Variants in DARS1 observed in about 807,000 individuals in gnomAD.
The protein encoded by DARS1 is aspartate--tRNA ligase, cytoplasmic.
Under a neutral mutation model 68.8 loss-of-function variants are expected in DARS1, and 51 were observed. The ratio of observed to expected loss-of-function variants is 0.74; its 90% CI spans 0.59 to 0.94. The LOEUF is 0.94. DARS1 is among the 40% of genes least tolerant of loss of function. The pLI, the probability that DARS1 is intolerant of heterozygous loss-of-function variation, is 0.00. For missense variants in DARS1, 607 were observed against 597.3 expected (o/e 1.02, Z -0.17); for synonymous variants, 203 against 190.4 (o/e 1.07, Z -0.55).
intron 2 of DARS1, among the ~76,000 whole-genome samples, chr2:135,982,996 A>G (rs1682671339): frequency 6.6e-6 from 1 of 152,220 alleles, no homozygotes; most frequent in African/African-American, 2.4e-5. Flanking sequence ...CAGTCAGAGA[A>G]GTAAAGTTGT....
intron 4 of DARS1, among the ~76,000 whole-genome samples, chr2:135,948,622 T>G (rs1272375421): frequency 1.3e-5 from 2 of 152,150 alleles, no homozygotes; most frequent in African/African-American, 4.8e-5. Flanking sequence ...CTCAGCACTT[T>G]GGGAGGCCAG....
In DARS1 at chr2:135,966,564, A is replaced by T. The variant is rs573945791; in HGVS notation, c.218-5066T>A. Among the ~76,000 whole-genome samples, 7 of 152,330 alleles carry T rather than the reference A, an allele frequency of 4.6e-5. No individual in the cohort carries two copies. In the East Asian group the frequency reaches 1.3e-3, roughly 29 times the overall value. ...GTTTTGTTTTGTTTTGTTGAGACAG[A>T]GTCTTGCTCTGTTGTCCAGGCTGGA... On this transcript the variant is annotated intron_variant, in intron 3 of 15. Transcript: ENST00000264161.
chr2:135,979,800 C>T (rs1682581550), intron 2 of DARS1, among the ~76,000 whole-genome samples: 1 of 152,150 alleles, frequency 6.6e-6, no homozygotes, highest in African/African-American at 2.4e-5. Flanking sequence ...TGCCTGCCTG[C>T]CACAGTACCT....
chr2:135,982,664 G>A (rs1264565314), intron 2 of DARS1, among the ~76,000 whole-genome samples: 1 of 151,456 alleles, frequency 6.6e-6, no homozygotes, highest in East Asian at 1.9e-4. Context: ...TATAAGAAAA[G>A]ATAGACTGGG....
intron 3 of DARS1, 62 bp from the exon 4 acceptor site, chr2:135,961,560 A>G (rs1682101668): frequency 1.1e-6 from 1 of 894,662 alleles, no homozygotes; most frequent in Non-Finnish European, 1.9e-6. Flanking sequence ...TTTACAAAGA[A>G]GGAAAATGCT....
At chr2:135,957,607 C>T (rs952665136) in intron 4 of DARS1, among the ~76,000 whole-genome samples, 1 of 152,136 alleles carries the variant, frequency 6.6e-6, no homozygotes, top group Non-Finnish European at 1.5e-5. Context: ...AGTGAACGGC[C>T]CATTTTGGCC....
chr2:135,925,961 G>A (rs72974109), intron 7 of DARS1, among the ~76,000 whole-genome samples: 1,616 of 152,234 alleles, frequency 0.011, 26 homozygotes, highest in African/African-American at 0.037. Context: ...ACTAAACCTG[G>A]CTCACTGCAA....
At chr2:135,971,103 G>T (rs545985429) in intron 3 of DARS1, among the ~76,000 whole-genome samples, 1 of 152,260 alleles carries the variant, frequency 6.6e-6, no homozygotes, top group East Asian at 1.9e-4. Context: ...TAAGAGGCCA[G>T]TATTACCCTG....
chr2:135,974,100 A>G (rs188851343), intron 3 of DARS1, among the ~76,000 whole-genome samples: 61 of 152,346 alleles, frequency 4.0e-4, no homozygotes, highest in African/African-American at 1.3e-3. Context: ...CTTTTTTAAA[A>G]GGCATAAATG....
intron 4 of DARS1, among the ~76,000 whole-genome samples, chr2:135,945,213 C>T (rs111909933): frequency 0.023 from 3,462 of 152,146 alleles, 130 homozygotes; most frequent in African/African-American, 0.079. Context: ...TTGCAACCTC[C>T]GCCTCCCGGG....
chr2:135,951,365 T>C (rs1681835001), intron 4 of DARS1, among the ~76,000 whole-genome samples: 1 of 152,218 alleles, frequency 6.6e-6, no homozygotes, highest in Admixed American at 6.5e-5. Context: ...TTATTCCAGA[T>C]TAATGGTGTC....
At chr2:135,919,482 G>A (rs114832662) in intron 10 of DARS1, among the ~76,000 whole-genome samples, 3,433 of 152,232 alleles carry the variant, frequency 0.023, 89 homozygotes, top group African/African-American at 0.066. Flanking sequence ...TTTTAAATAT[G>A]ATCTTCTGTC....
chr2:135,915,106 A>T (rs575239208), intron 11 of DARS1, among the ~76,000 whole-genome samples: 300 of 147,508 alleles, frequency 2.0e-3, no homozygotes, highest in Middle Eastern at 0.018. Flanking sequence ...ATATATATAT[A>T]TTTTTTTTTG....
chr2:135,963,560 T>G (rs1682146117), intron 3 of DARS1, among the ~76,000 whole-genome samples: 1 of 151,924 alleles, frequency 6.6e-6, no homozygotes, highest in Non-Finnish European at 1.5e-5. Context: ...TTAGCAGAGA[T>G]GGGGTTTCAC....
At position 135,911,224 on chromosome 2, in the gene DARS1, CA is replaced by C; in HGVS notation, c.1343-15del. On this transcript the variant is annotated splice_polypyrimidine_tract_variant and intron_variant, in intron 14 of 15. Transcript: ENST00000264161. ...TTTTCTCCAAATCTGCAAAAAGACA[CA>C]AAACAAAATATAATTTATCATCTTA... The C allele has an allele frequency of 7.3e-7, 1 of 1,361,898 alleles. No homozygotes were observed. Among genetic ancestry groups the C allele is most frequent in the Non-Finnish European group, 1.0e-6 (1 of 952,570 alleles). 84.4% of individuals were successfully genotyped at this position (1,361,898 alleles called of 1,614,324 possible). A position where few individuals can be genotyped will look rare whatever the true frequency, so the allele number is the denominator to read the frequency against.
At position 135,936,414 on chromosome 2, in the gene DARS1, G is replaced by C. The variant is rs78283445; in HGVS notation, c.424-2424C>G. Among the ~76,000 whole-genome samples the C allele has an allele frequency of 7.9e-3, 1,157 of 147,184 alleles. 98 individuals are homozygous for C. In the East Asian group the frequency reaches 0.2, roughly 25 times the overall value. On this transcript the variant is annotated intron_variant, in intron 5 of 15. Transcript: ENST00000264161. ...ACATACACTTTTTTTTTTTAGTTTTGAGACAGGGTCTTGCTCTGTCACCCA... is the reference window on the plus strand; with the variant it reads ...ACATACACTTTTTTTTTTTAGTTTTCAGACAGGGTCTTGCTCTGTCACCCA...
At chr2:135,933,471 C>T (rs1170126399) in intron 6 of DARS1, among the ~76,000 whole-genome samples, 2 of 152,174 alleles carry the variant, frequency 1.3e-5, no homozygotes, top group East Asian at 3.9e-4. Flanking sequence ...GATGAGGGAG[C>T]TGAGTGGTTA....
intron 7 of DARS1, among the ~76,000 whole-genome samples, chr2:135,929,690 C>T (rs114851922): frequency 0.014 from 2,115 of 150,604 alleles, 43 homozygotes; most frequent in African/African-American, 0.04. Context: ...CGAAACTTCT[C>T]TTAAAGAGTT....
chr2:135,912,090 T>C (rs1319566383), intron 13 of DARS1, among the ~76,000 whole-genome samples: 2 of 152,228 alleles, frequency 1.3e-5, no homozygotes, highest in East Asian at 3.9e-4. Context: ...ACCACTGCAA[T>C]GGAAAAACGG....
Sources: gnomAD v4.1 joint callset for allele counts (sites outside exome capture counted in the v4.1 genomes callset) on GRCh38, gnomAD v4.1.1 for gene constraint, MANE v1.5 for transcripts, NCBI Gene and HGNC (gene_info 2026-07-23, HGNC 2026-07-21) for gene names.